LRSAM1: variants seen among roughly 807,000 people sequenced by gnomAD.
LRSAM1 encodes E3 ubiquitin-protein ligase LRSAM1.
Under a neutral mutation model 118.1 loss-of-function variants are expected in LRSAM1, and 96 were observed. The ratio of observed to expected loss-of-function variants is 0.81; its 90% confidence interval spans 0.69 to 0.96. The LOEUF (loss-of-function observed/expected upper bound fraction) is 0.96, where lower values mean the gene tolerates loss of function less well. Ranked by LOEUF, LRSAM1 falls within the 40% of genes least tolerant of loss-of-function variation. LRSAM1 has a pLI of 0.00. For missense variants in LRSAM1, 804 were observed against 915.5 expected, an observed-to-expected ratio of 0.88 and a Z score of 1.57; for synonymous variants, 322 against 364.2, an observed-to-expected ratio of 0.88 and a Z score of 1.32.
intron 16 of LRSAM1, among the ~76,000 whole-genome samples, chr9:127,483,394 C>T (rs575678736): frequency 6.6e-6 from 1 of 151,732 alleles, no homozygotes; most frequent in Non-Finnish European, 1.5e-5. Context: ...CTGCAGTGAG[C>T]TGTGATCACA....
At chr9:127,501,386 T>G (rs1259369593) in intron 25 of LRSAM1, among the ~76,000 whole-genome samples, 1 of 152,062 alleles carries the variant, frequency 6.6e-6, no homozygotes, top group African/African-American at 2.4e-5. Flanking sequence ...AGGAAAAAAT[T>G]TCCCAAATCA....
intron 25 of LRSAM1, among the ~76,000 whole-genome samples, chr9:127,502,453 G>C (rs1248797783): frequency 6.6e-6 from 1 of 152,124 alleles, no homozygotes; most frequent in African/African-American, 2.4e-5. Context: ...GGGAGGCCGA[G>C]GCGGGCAGAT....
At chr9:127,470,976 G>C (rs1835144014) in intron 10 of LRSAM1, 1 of 151,850 alleles carries the variant, frequency 6.6e-6, no homozygotes, top group South Asian at 2.1e-4. Flanking sequence ...CGCTGCACTT[G>C]ACTAATCTTA....
chr9:127,493,015 A>T, intron 21 of LRSAM1, 118 bp downstream of exon 21: 1 of 845,358 alleles, frequency 1.2e-6, no homozygotes, highest in Non-Finnish European at 2.0e-6. Flanking sequence ...GAAAAACTGG[A>T]AAGTACAAAG....
At position 127,467,792 on chromosome 9, in the gene LRSAM1, G is replaced by A. The variant is rs1256137506; in HGVS notation, c.581G>A (p.Gly194Asp). The stretch of plus-strand genomic sequence containing the variant: ...GTCTACCCGCCGCGGGAGGTGTGTG[G>A]TGCCGGCACTGCGGCCATCTTGCAG... ...AMVYPPREVC[G>D]AGTAAILQFL... The change falls in exon 10 of 26, where the codon GGT (glycine) becomes GAT (aspartate). Residue 194 changes from glycine (G) to aspartate (D), a missense_variant. Gly to Asp is a moderately conservative substitution (Grantham distance 94). Transcript: ENST00000300417. The A allele has an allele frequency of 2.5e-6, 4 of 1,609,396 alleles. No homozygotes were observed. Among genetic ancestry groups the A allele is most frequent in the South Asian group, 2.2e-5 (2 of 90,082 alleles).
At chr9:127,462,912 TG>T (rs914462573) in intron 9 of LRSAM1, among the ~76,000 whole-genome samples, 19 of 152,014 alleles carry the variant, frequency 1.2e-4, no homozygotes, top group Admixed American at 1.2e-3. Flanking sequence ...ATAAGATTTC[TG>T]GGCTGGGCAC....
intron 5 of LRSAM1, among the ~76,000 whole-genome samples, chr9:127,456,162 CAA>C (rs34459766): frequency 0.55 from 51,703 of 94,152 alleles, 11,295 homozygotes; most frequent in Middle Eastern, 0.63. Flanking sequence ...TGAGAATATG[CAA>C]AAAAAAAAAA....
At chr9:127,475,360 G>A (rs1051761999) in intron 11 of LRSAM1, among the ~76,000 whole-genome samples, 1 of 152,028 alleles carries the variant, frequency 6.6e-6, no homozygotes, top group Non-Finnish European at 1.5e-5. Flanking sequence ...GCATGGAGGC[G>A]TGCACCTGTA....
chr9:127,461,727 C>G (rs1419473008), intron 8 of LRSAM1, among the ~76,000 whole-genome samples: 14 of 152,236 alleles, frequency 9.2e-5, no homozygotes, highest in Non-Finnish European at 1.9e-4. Flanking sequence ...TTGCTCAAGA[C>G]CACCCCGTGG....
intron 10 of LRSAM1, 91 bp from the exon 11 acceptor site, chr9:127,473,710 G>T: frequency 6.3e-7 from 1 of 1,578,714 alleles, no homozygotes; most frequent in South Asian, 1.1e-5. Context: ...GAGTCAGGGT[G>T]GGGCCGGCTG....
chr9:127,480,077 T>G, intron 14 of LRSAM1, 99 bp downstream of exon 14: 1 of 1,525,118 alleles, frequency 6.6e-7, no homozygotes, highest in Non-Finnish European at 9.0e-7. Context: ...CCTCTGCCCC[T>G]GCCCCGGGCT....
chr9:127,468,006 A>T (rs1251542543), intron 10 of LRSAM1, among the ~76,000 whole-genome samples, 176 bp downstream of exon 10: 1 of 152,242 alleles, frequency 6.6e-6, no homozygotes, highest in African/African-American at 2.4e-5. Context: ...AGGGAAATAG[A>T]TACAGACTGT....
In LRSAM1 at chr9:127,467,803, G is replaced by A; in HGVS notation, c.592G>A (p.Ala198Thr). 6.2e-7 allele frequency: 1 copy of A among 1,606,406 alleles called. No homozygotes were observed. Among genetic ancestry groups the A allele is most frequent in the Non-Finnish European group, 8.5e-7 (1 of 1,177,830 alleles). The part of the protein sequence containing the change: ...PPREVCGAGT[A>T]AILQFLCKES... Reference sequence around the variant, plus strand: ...GCGGGAGGTGTGTGGTGCCGGCACTGCGGCCATCTTGCAGTTCCTCTGCAA... The same window carrying A: ...GCGGGAGGTGTGTGGTGCCGGCACTACGGCCATCTTGCAGTTCCTCTGCAA... The change falls in exon 10 of 26, where the codon GCG becomes ACG. Residue 198 changes from alanine to threonine, a missense_variant. Coordinates refer to ENST00000300417, the MANE Select transcript of LRSAM1 (RefSeq NM_001005373.4).
intron 25 of LRSAM1, among the ~76,000 whole-genome samples, chr9:127,501,521 C>A (rs1336805041): frequency 6.6e-6 from 1 of 152,108 alleles, no homozygotes; most frequent in Non-Finnish European, 1.5e-5. Flanking sequence ...CACCTGAGGT[C>A]AGGAGTTTGA....
At chr9:127,491,449 A>T (rs1412909144) in intron 20 of LRSAM1, among the ~76,000 whole-genome samples, 154 bp downstream of exon 20, 1 of 152,138 alleles carries the variant, frequency 6.6e-6, no homozygotes, top group Non-Finnish European at 1.5e-5. Context: ...GTGACACCAG[A>T]GGACACCCCC....
At chr9:127,478,800 C>A in intron 11 of LRSAM1, 134 bp from the exon 12 acceptor site, 1 of 846,934 alleles carries the variant, frequency 1.2e-6, no homozygotes, top group Non-Finnish European at 2.0e-6. Flanking sequence ...CCCCCGACCC[C>A]ACCATTCTGA....
intron 12 of LRSAM1, 95 bp downstream of exon 12, chr9:127,479,058 C>A: frequency 7.3e-7 from 1 of 1,373,000 alleles, no homozygotes; most frequent in Non-Finnish European, 1.0e-6. Flanking sequence ...CTTCCCAGCT[C>A]AGAATTAGAG....
chr9:127,468,826 A>AC (rs1196861963), intron 10 of LRSAM1, among the ~76,000 whole-genome samples: 30 of 148,070 alleles, frequency 2.0e-4, no homozygotes, highest in Non-Finnish European at 4.2e-4. Context: ...AAAAAAAAAA[A>AC]AAAAAAAAAA....
In LRSAM1 at chr9:127,474,244, G is replaced by A. The variant is rs184257921; in HGVS notation, c.750+313G>A. Among the ~76,000 whole-genome samples the A allele has an allele frequency of 3.6e-3, 538 of 149,600 alleles. 4 individuals carry two copies. Among genetic ancestry groups the A allele is most frequent in the African/African-American group, 0.012 (503 of 40,778 alleles). ...CTGTCTGGAATCTCCCCACTCACTT[G>A]TCTTATCCTTCAGTTCTTTTTTTTT... is the stretch of plus-strand genomic sequence containing the variant. On this transcript the variant is annotated intron_variant, in intron 11 of 25. Coordinates refer to ENST00000300417, the MANE Select transcript of LRSAM1 (RefSeq NM_001005373.4).
Sources: allele counts gnomAD v4.1 joint callset (sites outside exome capture counted in the v4.1 genomes callset), GRCh38; gene constraint gnomAD v4.1.1; transcripts MANE v1.5; gene names NCBI Gene and HGNC (gene_info 2026-07-23, HGNC 2026-07-21).